The following AURKA variants were observed in gnomAD, a reference collection of about 807,000 sequenced individuals.
The protein encoded by AURKA is aurora 2.
AURKA carries 12 observed loss-of-function variants against 40.9 expected under a neutral mutation model. The observed-to-expected ratio is 0.29, with a 90% CI of 0.19 to 0.48. The LOEUF (loss-of-function observed/expected upper bound fraction) is 0.48, where lower values mean the gene tolerates loss of function less well. Among genes scored for constraint, AURKA ranks in the 20% least tolerant of loss-of-function variants. The pLI, the probability that AURKA is intolerant of heterozygous loss-of-function variation, is 0.99. For synonymous variants in AURKA, 170 were observed against 164.3 expected, an observed-to-expected ratio of 1.03 and a Z score of -0.26; for missense variants, 322 against 462.1, an observed-to-expected ratio of 0.70 and a Z score of 2.78.
chr20:56,384,367 T>C (rs1422323806), intron 3 of AURKA, 43 bp from the exon 4 acceptor site: 8 of 1,426,582 alleles, frequency 5.6e-6, no homozygotes, highest in South Asian at 1.2e-5. Context: ...AATAACTATA[T>C]AGGATAAGCT....
intron 1 of AURKA, among the ~76,000 whole-genome samples, chr20:56,391,198 C>T (rs1207586113): frequency 6.6e-6 from 1 of 152,226 alleles, no homozygotes; most frequent in Non-Finnish European, 1.5e-5. Context: ...ATTCCTTCCT[C>T]CCTCAGACCT....
In AURKA at chr20:56,388,346, G is replaced by A. The variant is rs146645415; in HGVS notation, c.-5-144C>T. The A allele has an allele frequency of 2.3e-4, 178 of 780,810 alleles. No individual in the cohort carries two copies. The African/African-American group carries it at 2.9e-3, about 13-fold the overall frequency. The allele number at this position is 780,810 out of a possible 1,614,324, so 48.4% of individuals were successfully genotyped here. A position where few individuals can be genotyped will look rare whatever the true frequency, so the allele number is the denominator to read the frequency against. On this transcript the variant is annotated intron_variant, in intron 1 of 8. Coordinates refer to ENST00000395915, the MANE Select transcript of AURKA (RefSeq NM_198437.3). ...CATGTTTTGTCCAAATGAAGCTAAT[G>A]AGGGAGGGACAGGCATGTGCTTTCC...
intron 3 of AURKA, 84 bp from the exon 4 acceptor site, chr20:56,384,408 G>T: frequency 9.9e-7 from 1 of 1,005,866 alleles, no homozygotes; most frequent in Non-Finnish European, 1.5e-6. Flanking sequence ...TCAAAGAATT[G>T]GTCACCAAAA....
At chr20:56,391,011 T>C (rs1987035437) in intron 1 of AURKA, among the ~76,000 whole-genome samples, 1 of 152,142 alleles carries the variant, frequency 6.6e-6, no homozygotes, top group Non-Finnish European at 1.5e-5. Context: ...TGGAATAAGA[T>C]TCTAATCCAG....
intron 6 of AURKA, among the ~76,000 whole-genome samples, chr20:56,380,368 A>G (rs1985553995): frequency 6.6e-6 from 1 of 151,776 alleles, no homozygotes; most frequent in Non-Finnish European, 1.5e-5. Context: ...AAGAAAAAAA[A>G]AAAAAAAGAA....
At chr20:56,383,257 TA>T in intron 4 of AURKA, 81 bp from the exon 5 acceptor site, 1 of 1,444,144 alleles carries the variant, frequency 6.9e-7, no homozygotes, top group African/African-American at 1.4e-5. Flanking sequence ...AGACACATTC[TA>T]CAAATAATTT....
intron 6 of AURKA, among the ~76,000 whole-genome samples, chr20:56,378,853 G>C (rs1456078800): frequency 6.6e-6 from 1 of 152,178 alleles, no homozygotes; most frequent in Non-Finnish European, 1.5e-5. Flanking sequence ...ACAGTAAACA[G>C]ATCAGTGGTT....
intron 7 of AURKA, among the ~76,000 whole-genome samples, chr20:56,370,976 AT>A (rs1280479934): frequency 2.6e-5 from 4 of 152,216 alleles, no homozygotes; most frequent in African/African-American, 9.6e-5. Flanking sequence ...TACGATTTGG[AT>A]TCTACATCTG....
At chr20:56,383,504 G>A (rs180923166) in intron 4 of AURKA, among the ~76,000 whole-genome samples, 15 of 152,326 alleles carry the variant, frequency 9.8e-5, no homozygotes, top group Middle Eastern at 3.4e-3. Flanking sequence ...AAAAGGATAA[G>A]TGACCAGAGA....
intron 6 of AURKA, among the ~76,000 whole-genome samples, chr20:56,378,165 A>C (rs1985181933): frequency 6.6e-6 from 1 of 152,142 alleles, no homozygotes; most frequent in African/African-American, 2.4e-5. Context: ...CAAAACAAAC[A>C]AACAAAAATC....
intron 7 of AURKA, among the ~76,000 whole-genome samples, chr20:56,372,950 GCAC>G (rs1247084003): frequency 6.6e-6 from 1 of 152,168 alleles, no homozygotes; most frequent in Non-Finnish European, 1.5e-5. Flanking sequence ...TGCCCTCAAA[GCAC>G]CACCAAACTA....
intron 6 of AURKA, among the ~76,000 whole-genome samples, chr20:56,377,064 G>C (rs899414995): frequency 4.0e-5 from 6 of 151,836 alleles, no homozygotes; most frequent in Non-Finnish European, 8.8e-5. Context: ...TCCAGCCTGG[G>C]TGACAAAGCA....
At chr20:56,382,947 T>A (rs1313021475) in intron 5 of AURKA, 38 bp downstream of exon 5, 3 of 1,608,674 alleles carry the variant, frequency 1.9e-6, no homozygotes, top group African/African-American at 2.7e-5. Context: ...GGTGCAGCAT[T>A]GGTGAACATT....
chr20:56,376,061 G>A (rs1984881416), intron 6 of AURKA, among the ~76,000 whole-genome samples: 1 of 152,216 alleles, frequency 6.6e-6, no homozygotes. Context: ...GGTGTAAGGA[G>A]AGAAAACAGA....
intron 1 of AURKA, chr20:56,388,466 A>C: frequency 3.8e-6 from 2 of 529,768 alleles, no homozygotes; most frequent in Non-Finnish European, 3.4e-6. Flanking sequence ...CTCTCCTCTA[A>C]TGGATCACTT....
intron 3 of AURKA, among the ~76,000 whole-genome samples, chr20:56,385,885 C>T (rs1986297467): frequency 6.6e-6 from 1 of 152,160 alleles, no homozygotes; most frequent in Non-Finnish European, 1.5e-5. Flanking sequence ...ATGGTGACCT[C>T]ACCGCAGCCT....
intron 7 of AURKA, among the ~76,000 whole-genome samples, chr20:56,371,250 CAGG>C (rs990490558): frequency 7.2e-5 from 11 of 152,096 alleles, no homozygotes. Flanking sequence ...ATCACGAGGT[CAGG>C]AGATCGAGAC....
At chr20:56,383,757 G>A (rs1986023946) in intron 4 of AURKA, among the ~76,000 whole-genome samples, 2 of 152,138 alleles carry the variant, frequency 1.3e-5, no homozygotes, top group Non-Finnish European at 2.9e-5. Context: ...TTCATTCCTC[G>A]CTCCTCCCGG....
chr20:56,385,501 G>T (rs1246979020), intron 3 of AURKA, among the ~76,000 whole-genome samples: 1 of 145,234 alleles, frequency 6.9e-6, no homozygotes, highest in Non-Finnish European at 1.5e-5. Flanking sequence ...TGCTCTTGTT[G>T]CCCAGGCTAG....
Sources: gnomAD v4.1 joint callset for allele counts (sites outside exome capture counted in the v4.1 genomes callset) on GRCh38, gnomAD v4.1.1 for gene constraint, MANE v1.5 for transcripts, NCBI Gene and HGNC (gene_info 2026-07-23, HGNC 2026-07-21) for gene names.